ODR4: variants seen among roughly 807,000 people sequenced by gnomAD.
ODR4 encodes the protein odr-4 GPCR localization factor homolog.
In ODR4, 47 loss-of-function variants were observed where a neutral mutation model predicts 60.2. That is an observed-to-expected ratio of 0.78 (90% confidence interval 0.62 to 1.00). The LOEUF (loss-of-function observed/expected upper bound fraction) is 1.00. Among genes scored for constraint, ODR4 ranks in the 50% least tolerant of loss-of-function variants. ODR4 has a pLI of 0.00. For synonymous variants in ODR4, 178 were observed against 175.5 expected (o/e 1.01, Z -0.11); for missense variants, 488 against 530.8 (o/e 0.92, Z 0.79).
At chr1:186,397,679 G>A (rs1660756505) in intron 9 of ODR4, among the ~76,000 whole-genome samples, 1 of 152,168 alleles carries the variant, frequency 6.6e-6, no homozygotes, top group Admixed American at 6.5e-5. Flanking sequence ...GATTAGGGAT[G>A]CTCAACCTGT....
At chr1:186,422,266 T>A (rs1661803418), downstream of ODR4, among the ~76,000 whole-genome samples, 1 of 152,056 alleles carries the variant, frequency 6.6e-6, no homozygotes, top group East Asian at 1.9e-4. Flanking sequence ...AAATAAAGGA[T>A]CAATTTACTA....
At chr1:186,379,486 AG>A (rs35777667) in intron 1 of ODR4, among the ~76,000 whole-genome samples, 43,127 of 149,912 alleles carry the variant, frequency 0.29, 6,758 homozygotes, top group Admixed American at 0.38. Context: ...GTTGCTTACT[AG>A]TTTAGTATCC....
At position 186,389,567 on chromosome 1, in the gene ODR4, TTC is replaced by T. The variant is rs1309774846; in HGVS notation, c.438-19_438-18del. The T allele has an allele frequency of 6.5e-7, 1 of 1,529,308 alleles. No individual in the cohort carries two copies. The highest frequency in any genetic ancestry group is 1.4e-5 in the African/African-American group (1 of 71,886). The allele number at this position is 1,529,308 out of a possible 1,614,324, so 94.7% of individuals were successfully genotyped here. A position where few individuals can be genotyped will look rare whatever the true frequency, so the allele number is the denominator to read the frequency against. ...TACCAATAATGCCTTTTTTGGTTATTTCTGTCCTTAATTAGTGAAGAATATTT... is the reference window on the plus strand; with the variant it reads ...TACCAATAATGCCTTTTTTGGTTATTTGTCCTTAATTAGTGAAGAATATTT... On this transcript the variant is annotated intron_variant, in intron 5 of 13. Coordinates refer to ENST00000287859, the MANE Select transcript of ODR4 (RefSeq NM_017847.6).
intron 11 of ODR4, among the ~76,000 whole-genome samples, chr1:186,400,287 G>A (rs1227211790): frequency 3.3e-5 from 5 of 151,048 alleles, no homozygotes; most frequent in Admixed American, 6.6e-5. Context: ...ACCGCGCCCG[G>A]CCTCCCCATT....
chr1:186,426,321 C>T (rs1231108811), downstream of ODR4, among the ~76,000 whole-genome samples: 1 of 152,220 alleles, frequency 6.6e-6, no homozygotes, highest in African/African-American at 2.4e-5. Context: ...ATAGAAGGAA[C>T]TTAGCTGACT....
rs149239975 is a variant in ODR4 at position 186,396,388 on chromosome 1, C to T, written c.781-1925C>T. 3.6e-3 allele frequency among the ~76,000 whole-genome samples: 552 copies of T among 152,230 alleles called. 6 individuals are homozygous for T. Among genetic ancestry groups the T allele is most frequent in the African/African-American group, 0.012 (515 of 41,550 alleles). On this transcript the variant is annotated intron_variant, in intron 9 of 13. Coordinates refer to ENST00000287859, the MANE Select transcript of ODR4 (RefSeq NM_017847.6). ...CTTTGGGAGGCCTAGGCAGGGTGAT[C>T]GCTTGAGCCTAGGAGTTCAAGATGA... is the stretch of plus-strand genomic sequence containing the variant.
rs182401558 is a variant in ODR4 at position 186,406,401 on chromosome 1, T to A, written c.1186+133T>A. 1.4e-3 allele frequency: 775 copies of A among 553,456 alleles called. 4 individuals carry two copies. The highest frequency in any genetic ancestry group is 2.0e-3 in the Non-Finnish European group (673 of 333,604). The allele number at this position is 553,456 out of a possible 1,614,324, so 34.3% of individuals were successfully genotyped here. A position where few individuals can be genotyped will look rare whatever the true frequency, so the allele number is the denominator to read the frequency against. ...CTGTTTGACACTTCGAAATATTAAC[T>A]GAGACATTTTAAAATACATGTTTAA... On this transcript the variant is annotated intron_variant, in intron 12 of 13. Transcript: ENST00000287859.
chr1:186,378,426 CCTT>C (rs1441602696), intron 1 of ODR4, among the ~76,000 whole-genome samples: 1 of 152,142 alleles, frequency 6.6e-6, no homozygotes, highest in East Asian at 1.9e-4. Flanking sequence ...ATTATGAACT[CCTT>C]GATTTAATCA....
At chr1:186,434,516 A>G in the ODR4 span, among the ~76,000 whole-genome samples, 50,596 of 152,028 alleles carry the variant, frequency 0.33, 9,285 homozygotes, top group African/African-American at 0.48. Context: ...GCTCCTTCAG[A>G]GAAAGCCAAA....
chr1:186,426,090 A>G (rs1239100410), downstream of ODR4, among the ~76,000 whole-genome samples: 1 of 152,182 alleles, frequency 6.6e-6, no homozygotes, highest in Non-Finnish European at 1.5e-5. Flanking sequence ...GTTACTGCAA[A>G]TGAAAGTGTT....
intron 9 of ODR4, among the ~76,000 whole-genome samples, 195 bp from the exon 10 acceptor site, chr1:186,398,118 A>C (rs1166172744): frequency 1.3e-5 from 2 of 152,252 alleles, no homozygotes; most frequent in East Asian, 1.9e-4. Flanking sequence ...TATATCTTCA[A>C]AATGACTGGA....
At chr1:186,425,241 G>A (rs920740781), downstream of ODR4, among the ~76,000 whole-genome samples, 4 of 152,086 alleles carry the variant, frequency 2.6e-5, no homozygotes, top group Non-Finnish European at 4.4e-5. Flanking sequence ...CCCTCAATCC[G>A]AAGATGTGTG....
intron 12 of ODR4, among the ~76,000 whole-genome samples, chr1:186,407,220 A>G (rs1420352025): frequency 6.6e-6 from 1 of 152,168 alleles, no homozygotes. Flanking sequence ...TTCTAATCCC[A>G]TGAAAACTAA....
rs1036446467 is a variant in ODR4 at position 186,396,957 on chromosome 1, A to G, written c.781-1356A>G. Among the ~76,000 whole-genome samples the G allele has an allele frequency of 3.9e-5, 6 of 152,162 alleles. No homozygotes were observed. The South Asian group carries it at 6.2e-4, about 16-fold the overall frequency. ...CCAACCCCACCTTATTGATGTATCA[A>G]TGAACTCTACATGTGTCATATGGAA... On this transcript the variant is annotated intron_variant, in intron 9 of 13. Coordinates refer to ENST00000287859, the MANE Select transcript of ODR4 (RefSeq NM_017847.6).
intron 11 of ODR4, chr1:186,400,881 AC>A: frequency 1.7e-6 from 1 of 582,028 alleles, no homozygotes; most frequent in Non-Finnish European, 3.0e-6. Context: ...AGTATGTGGG[AC>A]CTGTTCACAT....
intron 6 of ODR4, among the ~76,000 whole-genome samples, chr1:186,390,117 A>C (rs983488858): frequency 6.6e-6 from 1 of 152,074 alleles, no homozygotes; most frequent in African/African-American, 2.4e-5. Context: ...ACTTTTTAAA[A>C]AATTGTTAAA....
intron 1 of ODR4, among the ~76,000 whole-genome samples, chr1:186,376,737 A>G (rs1316317000): frequency 6.6e-6 from 1 of 152,236 alleles, no homozygotes; most frequent in Non-Finnish European, 1.5e-5. Flanking sequence ...ATGAAGTATT[A>G]TGCTATGTCC....
chr1:186,394,161 C>A, intron 9 of ODR4, 146 bp downstream of exon 9: 3 of 553,820 alleles, frequency 5.4e-6, no homozygotes, highest in Non-Finnish European at 6.4e-6. Context: ...AAGGTTATTC[C>A]CAAGAAACAT....
In ODR4 at chr1:186,381,212, A is replaced by T. The variant is rs567020601; in HGVS notation, c.99+1328A>T. Among the ~76,000 whole-genome samples the T allele has an allele frequency of 1.2e-4, 18 of 152,386 alleles. No individual in the cohort carries two copies. The South Asian group carries it at 1.9e-3, about 16-fold the overall frequency. On this transcript the variant is annotated intron_variant, in intron 2 of 13. Coordinates refer to ENST00000287859, the MANE Select transcript of ODR4 (RefSeq NM_017847.6). ...TTAGAGAAAGATGTGATCAGTAGAG[A>T]TAAAAAGTCAGGGAGAAAGACCCTC...
Sources: gnomAD v4.1 joint callset for allele counts (sites outside exome capture counted in the v4.1 genomes callset) on GRCh38, gnomAD v4.1.1 for gene constraint, MANE v1.5 for transcripts, NCBI Gene and HGNC (gene_info 2026-07-23, HGNC 2026-07-21) for gene names.